The following FRMD3 variants were observed in gnomAD, a reference collection of about 807,000 sequenced individuals.
The protein encoded by FRMD3 is FERM domain-containing protein 3.
Under a neutral mutation model 70.2 loss-of-function variants are expected in FRMD3, and 33 were observed. The observed-to-expected ratio is 0.47, with a 90% confidence interval of 0.36 to 0.63. The LOEUF (loss-of-function observed/expected upper bound fraction) is 0.63. Among genes scored for constraint, FRMD3 ranks in the 20% least tolerant of loss-of-function variants. FRMD3 has a pLI of 0.00. For missense variants in FRMD3, 632 were observed against 711.4 expected (o/e 0.89, Z 1.27); for synonymous variants, 279 against 255.9 (o/e 1.09, Z -0.86).
intron 13 of FRMD3, among the ~76,000 whole-genome samples, chr9:83,250,651 A>T (rs1044997638): frequency 1.5e-4 from 23 of 152,168 alleles, no homozygotes; most frequent in African/African-American, 5.3e-4. Context: ...AGCTTAGTTG[A>T]CTCAGTTGCT....
chr9:83,309,596 G>A lies in FRMD3; in HGVS notation c.866C>T (p.Ser289Leu). The change falls in exon 10 of 14, where the codon TCA (serine) becomes TTA (leucine). Residue 289 changes from serine (S) to leucine (L), a missense_variant. Coordinates refer to ENST00000304195, the MANE Select transcript of FRMD3 (RefSeq NM_174938.6). ...AAGATGTTTGCAGGCAGCTGGTGTT[G>A]AAGTATGGAATGCCAACATGGCTTT... ...EKKAMLAFHT[S>L]TPAACKHLWK... 6.3e-7 allele frequency: 1 copy of A among 1,593,998 alleles called. No individual in the cohort carries two copies.
Position 83,244,895 on chromosome 9 carries a change from TTACC to T in FRMD3, c.*3019_*3022del. The T allele has an allele frequency of 4.1e-6, 4 of 985,174 alleles. No homozygotes were observed. Among genetic ancestry groups the T allele is most frequent in the Non-Finnish European group, 4.8e-6 (4 of 829,704 alleles). 61.0% of individuals were successfully genotyped at this position (985,174 alleles called of 1,614,324 possible). A position where few individuals can be genotyped will look rare whatever the true frequency, so the allele number is the denominator to read the frequency against. On this transcript the variant is annotated 3_prime_UTR_variant, in exon 14 of 14. Transcript: ENST00000304195. ...AGCACAGACAAATACATACTTTACT[TTACC>T]TACATTGTTTTCATGATCCAACTTG...
intron 1 of FRMD3, among the ~76,000 whole-genome samples, chr9:83,410,476 G>T (rs977312820): frequency 7.2e-5 from 11 of 152,142 alleles, no homozygotes; most frequent in Non-Finnish European, 1.3e-4. Flanking sequence ...CAAGGAACAT[G>T]ATTTCATTTT....
intron 13 of FRMD3, among the ~76,000 whole-genome samples, chr9:83,254,561 TAA>T (rs916066028): frequency 7.2e-6 from 1 of 138,402 alleles, no homozygotes. Flanking sequence ...GATAGAGGCA[TAA>T]AAAAAAAAAT....
chr9:83,341,138 G>A (rs909112856), intron 5 of FRMD3, among the ~76,000 whole-genome samples: 6 of 152,164 alleles, frequency 3.9e-5, no homozygotes, highest in Admixed American at 3.9e-4. Context: ...ATGACCTGCA[G>A]TGCTGCCGAA....
At chr9:83,519,693 C>T (rs540200166) in intron 1 of FRMD3, among the ~76,000 whole-genome samples, 36 of 152,272 alleles carry the variant, frequency 2.4e-4, no homozygotes, top group Non-Finnish European at 4.3e-4. Context: ...CACATGCACA[C>T]ATATGTTTAT....
At chr9:83,510,874 G>C (rs1216937757) in intron 1 of FRMD3, among the ~76,000 whole-genome samples, 1 of 152,136 alleles carries the variant, frequency 6.6e-6, no homozygotes, top group East Asian at 1.9e-4. Context: ...GAGGGTGGAG[G>C]GAGTGACAAT....
At chr9:83,367,042 A>C (rs1477033379) in intron 3 of FRMD3, among the ~76,000 whole-genome samples, 1 of 152,162 alleles carries the variant, frequency 6.6e-6, no homozygotes, top group African/African-American at 2.4e-5. Flanking sequence ...CAAAAAACAA[A>C]AAAAAAATTA....
At chr9:83,557,733 G>A in the FRMD3 span, among the ~76,000 whole-genome samples, 2 of 152,164 alleles carry the variant, frequency 1.3e-5, no homozygotes, top group African/African-American at 4.8e-5. Context: ...TTTGAGGTAA[G>A]AAATGAAGAT....
chr9:83,387,839 T>C lies in FRMD3; in HGVS notation c.252+1765A>G, dbSNP rs76883762. 8.9e-4 allele frequency among the ~76,000 whole-genome samples: 136 copies of C among 152,278 alleles called. 1 individual carries two copies. The East Asian group carries it at 0.023, about 26-fold the overall frequency. ...GGCTGCATCAAAATTAGATTAGGAA[T>C]AGGCTAAGTGCATGTTGCTGGCCCT... On this transcript the variant is annotated intron_variant, in intron 2 of 13. Coordinates refer to ENST00000304195, the MANE Select transcript of FRMD3 (RefSeq NM_174938.6).
intron 1 of FRMD3, among the ~76,000 whole-genome samples, chr9:83,417,455 TA>T (rs1223266167): frequency 6.6e-6 from 1 of 152,226 alleles, no homozygotes; most frequent in Non-Finnish European, 1.5e-5. Context: ...CCAGACTCAC[TA>T]ATGAGTGATG....
chr9:83,267,505 A>G (rs1423931046), intron 13 of FRMD3, among the ~76,000 whole-genome samples: 2 of 152,196 alleles, frequency 1.3e-5, no homozygotes, highest in African/African-American at 4.8e-5. Flanking sequence ...TCCATAATGG[A>G]GAAATAACCC....
At chr9:83,411,786 C>T (rs183314379) in intron 1 of FRMD3, among the ~76,000 whole-genome samples, 53 of 152,346 alleles carry the variant, frequency 3.5e-4, no homozygotes, top group Admixed American at 7.8e-4. Context: ...TTTTTCACCT[C>T]ATTCATTCAT....
the FRMD3 span, among the ~76,000 whole-genome samples, chr9:83,558,859 A>C: frequency 6.6e-6 from 1 of 152,228 alleles, no homozygotes; most frequent in African/African-American, 2.4e-5. Context: ...AAGTAACTGC[A>C]TGTGTGGAGG....
Position 83,247,920 on chromosome 9 carries a change from A to T in FRMD3, c.1792T>A (p.Ter598ArgextTer2), listed in dbSNP as rs535128169. 1.9e-6 allele frequency: 3 copies of T among 1,613,138 alleles called. No homozygotes were observed. The highest frequency in any genetic ancestry group is 3.3e-5 in the Admixed American group (2 of 59,990). ...HLILYMLGCS[*>R] ...CTTAGTCACGTGAGAGATTAACTTC[A>T]TGAGCAACCCAGCATGTAGAGGATG... The change falls in exon 14 of 14, where the codon TGA becomes AGA. Residue 598 changes from the stop codon to arginine, a stop_lost. Coordinates refer to ENST00000304195, the MANE Select transcript of FRMD3 (RefSeq NM_174938.6).
intron 1 of FRMD3, among the ~76,000 whole-genome samples, chr9:83,534,918 TG>T (rs1441251165): frequency 2.0e-5 from 3 of 152,326 alleles, no homozygotes; most frequent in Admixed American, 6.5e-5. Context: ...CTTCAGTCAC[TG>T]GTTTAAATTC....
chr9:83,306,361 G>A (rs1010296227), intron 10 of FRMD3, among the ~76,000 whole-genome samples: 1 of 152,150 alleles, frequency 6.6e-6, no homozygotes, highest in Non-Finnish European at 1.5e-5. Context: ...CACTGGTCAA[G>A]CCATCCGTGT....
intron 3 of FRMD3, among the ~76,000 whole-genome samples, chr9:83,359,610 C>T (rs1011790194): frequency 3.9e-5 from 6 of 152,214 alleles, no homozygotes; most frequent in African/African-American, 7.2e-5. Context: ...AATACATAAA[C>T]AAGTGTGTAT....
At chr9:83,272,766 G>A (rs1276292305) in intron 13 of FRMD3, among the ~76,000 whole-genome samples, 1 of 150,504 alleles carries the variant, frequency 6.6e-6, no homozygotes, top group African/African-American at 2.5e-5. Context: ...CATCATCTGA[G>A]ATGTGGGGAG....
Sources: gnomAD v4.1 joint callset for allele counts (sites outside exome capture counted in the v4.1 genomes callset) on GRCh38, gnomAD v4.1.1 for gene constraint, MANE v1.5 for transcripts, NCBI Gene and HGNC (gene_info 2026-07-23, HGNC 2026-07-21) for gene names.